Variants in ADGRL3 observed in about 807,000 individuals in gnomAD.
The protein encoded by ADGRL3 is adhesion G protein-coupled receptor L3, also known as calcium-independent alpha-latrotoxin receptor 3.
In ADGRL3, 62 loss-of-function variants were observed where a neutral mutation model predicts 153.5. The observed-to-expected ratio is 0.40, with a 90% CI of 0.33 to 0.50. The LOEUF (loss-of-function observed/expected upper bound fraction) is 0.50, where lower values mean the gene tolerates loss of function less well. ADGRL3 is among the 20% of genes least tolerant of loss of function. The pLI is 0.47. For missense variants in ADGRL3, 1,641 were observed against 1,859.4 expected, an observed-to-expected ratio of 0.88 and a Z score of 2.16; for synonymous variants, 710 against 672.5, an observed-to-expected ratio of 1.06 and a Z score of -0.86.
chr4:62,009,523 T>C (rs773831107), intron 21 of ADGRL3, among the ~76,000 whole-genome samples: 61 of 152,140 alleles, frequency 4.0e-4, no homozygotes, highest in Non-Finnish European at 7.8e-4. Context: ...TGGTTATATA[T>C]AGAGAAAAAA....
At chr4:61,772,153 A>T (rs1415879338) in intron 8 of ADGRL3, among the ~76,000 whole-genome samples, 1 of 152,184 alleles carries the variant, frequency 6.6e-6, no homozygotes, top group African/African-American at 2.4e-5. Context: ...TTAGAACCAA[A>T]TTTGTGAGAG....
intron 6 of ADGRL3, among the ~76,000 whole-genome samples, chr4:61,728,472 G>A (rs2096385619): frequency 6.6e-6 from 1 of 152,002 alleles, no homozygotes; most frequent in African/African-American, 2.4e-5. Flanking sequence ...AGATACCTTT[G>A]CCAATACTTT....
chr4:61,665,805 C>CT (rs1358798156), intron 5 of ADGRL3, among the ~76,000 whole-genome samples: 1 of 152,126 alleles, frequency 6.6e-6, no homozygotes, highest in African/African-American at 2.4e-5. Context: ...ATGAGTCTCT[C>CT]TAAAGTCATG....
intron 9 of ADGRL3, among the ~76,000 whole-genome samples, chr4:61,882,589 G>A (rs1436672314): frequency 6.6e-6 from 1 of 152,010 alleles, no homozygotes; most frequent in Admixed American, 6.6e-5. Flanking sequence ...ACTTTGGCCT[G>A]TCAACACCCA....
chr4:61,932,903 A>G (rs1212548835), intron 13 of ADGRL3, among the ~76,000 whole-genome samples: 1 of 152,042 alleles, frequency 6.6e-6, no homozygotes, highest in Non-Finnish European at 1.5e-5. Flanking sequence ...TTAGTCTTGG[A>G]ACATGTTCTT....
intron 1 of ADGRL3, among the ~76,000 whole-genome samples, chr4:61,349,852 C>T (rs2096003829): frequency 6.6e-6 from 1 of 152,056 alleles, no homozygotes; most frequent in Non-Finnish European, 1.5e-5. Flanking sequence ...TTAAATGAAT[C>T]AATAGATGAA....
At chr4:62,035,015 G>T (rs1008738403) in intron 23 of ADGRL3, among the ~76,000 whole-genome samples, 5 of 151,958 alleles carry the variant, frequency 3.3e-5, no homozygotes, top group Non-Finnish European at 7.4e-5. Flanking sequence ...GCAGTGCCAT[G>T]TGAAATAGTA....
intron 8 of ADGRL3, among the ~76,000 whole-genome samples, chr4:61,782,698 C>G: frequency 6.6e-6 from 1 of 152,074 alleles, no homozygotes; most frequent in African/African-American, 2.4e-5. Flanking sequence ...CTTACTTTAA[C>G]AATAAATAAA....
At chr4:61,810,942 T>C (rs545807532) in intron 8 of ADGRL3, among the ~76,000 whole-genome samples, 1 of 152,244 alleles carries the variant, frequency 6.6e-6, no homozygotes, top group East Asian at 1.9e-4. Flanking sequence ...CAAAATCTGG[T>C]CAATGCTGAC....
intron 1 of ADGRL3, among the ~76,000 whole-genome samples, chr4:61,265,589 A>G (rs1280214283): frequency 6.6e-6 from 1 of 151,930 alleles, no homozygotes; most frequent in Non-Finnish European, 1.5e-5. Flanking sequence ...GATAAAGAAT[A>G]TAACATCAGG....
At chr4:62,036,013 G>A (rs936715842) in intron 23 of ADGRL3, among the ~76,000 whole-genome samples, 1 of 151,986 alleles carries the variant, frequency 6.6e-6, no homozygotes, top group African/African-American at 2.4e-5. Flanking sequence ...CACATAACTG[G>A]CTACAGCTCG....
At chr4:61,333,263 A>T (rs575302363) in intron 1 of ADGRL3, among the ~76,000 whole-genome samples, 1 of 152,182 alleles carries the variant, frequency 6.6e-6, no homozygotes. Flanking sequence ...TAGCTATATT[A>T]TATAAGGTCT....
chr4:61,655,420 ATTAT>A (rs1343495987), intron 5 of ADGRL3, among the ~76,000 whole-genome samples: 3 of 152,144 alleles, frequency 2.0e-5, no homozygotes, highest in Non-Finnish European at 4.4e-5. Context: ...TCACTAGTAA[ATTAT>A]TTATTATTTT....
At chr4:61,381,796 C>A (rs2151904817) in intron 1 of ADGRL3, among the ~76,000 whole-genome samples, 1 of 151,936 alleles carries the variant, frequency 6.6e-6, no homozygotes, top group Non-Finnish European at 1.5e-5. Flanking sequence ...CTAGAATGAT[C>A]ATCCAGTGAA....
chr4:61,685,906 TAA>T (rs2095433672), intron 6 of ADGRL3, among the ~76,000 whole-genome samples: 1 of 152,124 alleles, frequency 6.6e-6, no homozygotes, highest in Non-Finnish European at 1.5e-5. Context: ...TCAGATGGTA[TAA>T]ACATCTAGGT....
intron 2 of ADGRL3, among the ~76,000 whole-genome samples, chr4:61,447,759 A>T (rs1055386584): frequency 6.6e-6 from 1 of 152,164 alleles, no homozygotes; most frequent in African/African-American, 2.4e-5. Flanking sequence ...GTCTTTTGGG[A>T]TCCTGTGTAG....
intron 1 of ADGRL3, among the ~76,000 whole-genome samples, chr4:61,290,297 A>G (rs1246285895): frequency 6.6e-6 from 1 of 151,996 alleles, no homozygotes; most frequent in Non-Finnish European, 1.5e-5. Flanking sequence ...CTTGGCATTC[A>G]TATATTATCA....
intron 21 of ADGRL3, among the ~76,000 whole-genome samples, chr4:62,025,961 A>G (rs1204991048): frequency 6.6e-6 from 1 of 152,164 alleles, no homozygotes; most frequent in Non-Finnish European, 1.5e-5. Context: ...CAACATTACC[A>G]TCAATTTAAT....
At chr4:61,280,987 A>G (rs1371417559) in intron 1 of ADGRL3, among the ~76,000 whole-genome samples, 1 of 152,094 alleles carries the variant, frequency 6.6e-6, no homozygotes, top group Non-Finnish European at 1.5e-5. Context: ...ACAATAATAT[A>G]TAAAGCTCTG....
Sources: gnomAD v4.1 joint callset for allele counts (sites outside exome capture counted in the v4.1 genomes callset) on GRCh38, gnomAD v4.1.1 for gene constraint, MANE v1.5 for transcripts, NCBI Gene and HGNC (gene_info 2026-07-23, HGNC 2026-07-21) for gene names.